The following SMYD3 variants were observed in gnomAD, a reference collection of about 807,000 sequenced individuals.
The protein encoded by SMYD3 is histone-lysine N-methyltransferase SMYD3.
In SMYD3, 36 loss-of-function variants were observed where a neutral mutation model predicts 57.7. That is an observed-to-expected ratio of 0.62 (90% CI 0.48 to 0.82). The LOEUF (loss-of-function observed/expected upper bound fraction) is 0.82, where lower values mean the gene tolerates loss of function less well. Ranked by LOEUF, SMYD3 falls within the 40% of genes least tolerant of loss-of-function variation. The pLI is 0.00. For synonymous variants in SMYD3, 211 were observed against 195.0 expected, an observed-to-expected ratio of 1.08 and a Z score of -0.68; for missense variants, 515 against 538.8, an observed-to-expected ratio of 0.96 and a Z score of 0.44.
chr1:246,292,159 C>T (rs1031642313), intron 5 of SMYD3, among the ~76,000 whole-genome samples: 2 of 147,402 alleles, frequency 1.4e-5, no homozygotes, highest in East Asian at 2.1e-4. Context: ...TACTATCCAA[C>T]ACACCAGCAT....
chr1:246,081,361 AAG>A (rs1336345146), intron 5 of SMYD3, among the ~76,000 whole-genome samples: 4 of 152,104 alleles, frequency 2.6e-5, no homozygotes, highest in African/African-American at 7.2e-5. Flanking sequence ...ATAGAAACGG[AAG>A]ACTTTTTGTT....
At chr1:246,162,383 A>C (rs1017351587) in intron 5 of SMYD3, among the ~76,000 whole-genome samples, 33 of 152,222 alleles carry the variant, frequency 2.2e-4, no homozygotes, top group African/African-American at 8.0e-4. Flanking sequence ...ACCTAAGTTG[A>C]CACCATATAA....
At chr1:246,305,170 A>G (rs1189459615) in intron 5 of SMYD3, among the ~76,000 whole-genome samples, 1 of 152,262 alleles carries the variant, frequency 6.6e-6, no homozygotes, top group African/African-American at 2.4e-5. Context: ...TGAATCCGAA[A>G]GGGTTCGGAG....
intron 10 of SMYD3, among the ~76,000 whole-genome samples, chr1:245,823,664 C>T (rs548090635): frequency 4.6e-5 from 7 of 152,298 alleles, no homozygotes; most frequent in South Asian, 2.1e-4. Context: ...TCCCACAAGT[C>T]GTTCAATTCA....
chr1:246,127,764 C>T (rs182744900), intron 5 of SMYD3, among the ~76,000 whole-genome samples: 15 of 152,074 alleles, frequency 9.9e-5, no homozygotes, highest in Admixed American at 7.2e-4. Context: ...GGCATGATAG[C>T]GCGTGCCTGT....
intron 5 of SMYD3, among the ~76,000 whole-genome samples, chr1:246,240,469 G>C (rs111242726): frequency 2.6e-5 from 4 of 151,946 alleles, no homozygotes; most frequent in African/African-American, 9.7e-5. Flanking sequence ...TTGGTACCAG[G>C]ACCATGCTGT....
intron 5 of SMYD3, among the ~76,000 whole-genome samples, chr1:246,092,723 C>G (rs1410236728): frequency 6.6e-6 from 1 of 152,006 alleles, no homozygotes; most frequent in African/African-American, 2.4e-5. Flanking sequence ...GAGAAGACCA[C>G]AAAAGCACAG....
chr1:245,830,947 T>A (rs1477435861), intron 10 of SMYD3, among the ~76,000 whole-genome samples: 1 of 152,174 alleles, frequency 6.6e-6, no homozygotes, highest in African/African-American at 2.4e-5. Flanking sequence ...TCTTGCCAGC[T>A]GGTCCTGCCC....
intron 5 of SMYD3, among the ~76,000 whole-genome samples, chr1:246,305,563 T>A (rs895592297): frequency 1.3e-5 from 2 of 152,160 alleles, no homozygotes; most frequent in Non-Finnish European, 2.9e-5. Flanking sequence ...CGTGACACCA[T>A]GTCAAATAAA....
intron 1 of SMYD3, among the ~76,000 whole-genome samples, chr1:246,421,668 A>AATT (rs2067144881): frequency 3.9e-5 from 6 of 152,250 alleles, no homozygotes; most frequent in Non-Finnish European, 7.3e-5. Flanking sequence ...CAAAGCAATT[A>AATT]AAAACAGTAA....
chr1:246,307,508 C>T (rs1380164849), intron 5 of SMYD3, among the ~76,000 whole-genome samples: 2 of 150,096 alleles, frequency 1.3e-5, no homozygotes, highest in Admixed American at 6.7e-5. Flanking sequence ...CAAGCTCCGC[C>T]TCCCGGGTTC....
At chr1:246,049,436 A>G (rs1194809131) in intron 5 of SMYD3, among the ~76,000 whole-genome samples, 2 of 150,238 alleles carry the variant, frequency 1.3e-5, no homozygotes, top group African/African-American at 4.9e-5. Context: ...AGCTAGGACT[A>G]CAGGCGCCCG....
intron 2 of SMYD3, among the ~76,000 whole-genome samples, chr1:246,353,583 C>T (rs1558419304): frequency 1.3e-5 from 2 of 152,082 alleles, no homozygotes; most frequent in Non-Finnish European, 1.5e-5. Flanking sequence ...TAATGGAAAA[C>T]TAGACCTAAT....
chr1:246,266,820 T>G (rs1019107053), intron 5 of SMYD3, among the ~76,000 whole-genome samples: 2 of 150,564 alleles, frequency 1.3e-5, no homozygotes, highest in Admixed American at 6.6e-5. Flanking sequence ...AAGAGAAAGA[T>G]AGAGAGAGAA....
chr1:245,771,645 C>T (rs1203952622), intron 10 of SMYD3, among the ~76,000 whole-genome samples: 1 of 152,104 alleles, frequency 6.6e-6, no homozygotes, highest in Middle Eastern at 3.2e-3. Context: ...GGTCTTAAAG[C>T]AAATGTAGAA....
intron 5 of SMYD3, among the ~76,000 whole-genome samples, chr1:246,080,968 A>G (rs2060628873): frequency 6.6e-6 from 1 of 152,222 alleles, no homozygotes; most frequent in South Asian, 2.1e-4. Context: ...CATAAGGATA[A>G]TTAGTGTGTG....
At chr1:246,147,725 T>TGCCCTCCA (rs1020770307) in intron 5 of SMYD3, among the ~76,000 whole-genome samples, 2 of 151,822 alleles carry the variant, frequency 1.3e-5, no homozygotes, top group African/African-American at 4.8e-5. Context: ...AGACAGGATC[T>TGCCCTCCA]GCCCTCCAGG....
chr1:246,272,509 A>C (rs977064477), intron 5 of SMYD3, among the ~76,000 whole-genome samples: 1 of 152,182 alleles, frequency 6.6e-6, no homozygotes, highest in African/African-American at 2.4e-5. Context: ...TTTTGTCAAA[A>C]TGATTTTTCT....
Position 246,243,973 on chromosome 1 carries a change from A to AAG in SMYD3, c.531+83227_531+83228insCT, listed in dbSNP as rs1558344293. Among the ~76,000 whole-genome samples the AAG allele has an allele frequency of 6.3e-4, 69 of 109,804 alleles. 1 individual carries two copies. Among genetic ancestry groups the AAG allele is most frequent in the East Asian group, 1.5e-3 (3 of 2,040 alleles). 72.0% of individuals were successfully genotyped at this position (109,804 alleles called of 152,430 possible). ...GTCTATAGTCCCAGCTACTTGGGAG[A>AAG]CATATATGTGTATATACATATATAT... On this transcript the variant is annotated intron_variant, in intron 5 of 11. Transcript: ENST00000490107.
Sources: gnomAD v4.1 joint callset for allele counts (sites outside exome capture counted in the v4.1 genomes callset) on GRCh38, gnomAD v4.1.1 for gene constraint, MANE v1.5 for transcripts, NCBI Gene and HGNC (gene_info 2026-07-23, HGNC 2026-07-21) for gene names.